CEP350: variants seen among roughly 807,000 people sequenced by gnomAD.
The protein encoded by CEP350 is centrosomal protein 350, also known as centrosome-associated protein 350.
A neutral mutation model predicts 331.8 loss-of-function variants in CEP350; 126 were observed. The observed-to-expected ratio is 0.38, with a 90% CI of 0.33 to 0.44. CEP350 has a LOEUF of 0.44. Among genes scored for constraint, CEP350 ranks in the 20% least tolerant of loss-of-function variants. CEP350 has a pLI of 1.00. For synonymous variants in CEP350, 1,200 were observed against 1,259.5 expected, an observed-to-expected ratio of 0.95 and a Z score of 1.00; for missense variants, 3,406 against 3,634.6, an observed-to-expected ratio of 0.94 and a Z score of 1.62.
At position 180,093,215 on chromosome 1, in the gene CEP350, T is replaced by A; in HGVS notation, c.7110T>A (p.Pro2370=). Reference sequence around the variant, plus strand: ...CTTGGTCAGAACATCTTTTTGCTCCTAAAGAGATACCATACTCTGAAGATT... The same window carrying A: ...CTTGGTCAGAACATCTTTTTGCTCCAAAAGAGATACCATACTCTGAAGATT... The part of the protein sequence containing the change: ...DLSWSEHLFA[P]KEIPYSEDFE... Residue 2370 remains proline (P), a synonymous_variant, in exon 34 of 38, where the codon CCT becomes CCA. Transcript: ENST00000367607. 6.2e-7 allele frequency: 1 copy of A among 1,601,372 alleles called. No homozygotes were observed. Among genetic ancestry groups the A allele is most frequent in the Non-Finnish European group, 8.5e-7 (1 of 1,172,966 alleles).
At position 180,113,177 on chromosome 1, in the gene CEP350, C is replaced by A. The variant is rs749994403; in HGVS notation, c.*2016C>A. ...TGTTATTTGGAAGACAGAAAAACAT[C>A]TTGTCTACATCCTTTGGCTGTTTGT... On this transcript the variant is annotated 3_prime_UTR_variant, in exon 38 of 38. Transcript: ENST00000367607. The A allele has an allele frequency of 2.6e-5, 4 of 152,568 alleles. No homozygotes were observed. Among genetic ancestry groups the A allele is most frequent in the Non-Finnish European group, 4.4e-5 (3 of 68,026 alleles). 9.5% of individuals were successfully genotyped at this position (152,568 alleles called of 1,614,324 possible).
At chr1:180,081,017 G>A (rs55676403) in intron 30 of CEP350, among the ~76,000 whole-genome samples, 9,554 of 150,516 alleles carry the variant, frequency 0.063, 401 homozygotes, top group African/African-American at 0.13. Context: ...CCGCCACCAC[G>A]CCTGGCTAAT....
At position 180,065,279 on chromosome 1, in the gene CEP350, G is replaced by GT. The variant is rs780956814; in HGVS notation, c.5567+13dup. 2.5e-6 allele frequency: 4 copies of GT among 1,597,508 alleles called. No individual in the cohort carries two copies. The highest frequency in any genetic ancestry group is 3.4e-6 in the Non-Finnish European group (4 of 1,174,878). On this transcript the variant is annotated splice_region_variant and intron_variant, in intron 27 of 37. Transcript: ENST00000367607. ...GAAGCCGCATGGATGAAAAGTATTT[G>GT]TTTTTTATAAATATCTCTTGTTTAG...
intron 1 of CEP350, among the ~76,000 whole-genome samples, chr1:179,975,450 A>G (rs1651787954): frequency 6.6e-6 from 1 of 152,176 alleles, no homozygotes; most frequent in Non-Finnish European, 1.5e-5. Context: ...TAATTTAGGA[A>G]GCTTTTACCA....
At chr1:180,033,830 C>T (rs1457564287) in intron 15 of CEP350, 32 bp from the exon 16 acceptor site, 7 of 1,597,384 alleles carry the variant, frequency 4.4e-6, no homozygotes, top group Non-Finnish European at 6.0e-6. Flanking sequence ...ACTTTTCCTT[C>T]CTCTAATGTT....
chr1:179,997,732 G>A (rs752372113), intron 6 of CEP350, among the ~76,000 whole-genome samples: 1 of 151,980 alleles, frequency 6.6e-6, no homozygotes, highest in Non-Finnish European at 1.5e-5. Context: ...AATAATAATT[G>A]ATACTATTTT....
At chr1:179,958,659 T>TTGGA (rs1163545000) in intron 1 of CEP350, among the ~76,000 whole-genome samples, 1 of 152,164 alleles carries the variant, frequency 6.6e-6, no homozygotes, top group Non-Finnish European at 1.5e-5. Context: ...CAACTATAAA[T>TTGGA]TGGATATACT....
At position 179,996,910 on chromosome 1, in the gene CEP350, G is replaced by C. The variant is rs779277700; in HGVS notation, c.753G>C (p.Ala251=). ...NNMAHDTDPK[A]LRLTDSSPSS... is the part of the protein sequence containing the mutation. ...TGGCCCATGATACTGATCCAAAAGC[G>C]TTACGACTAACTGACTCTTCTCCAT... Residue 251 remains alanine (A), a synonymous_variant, in exon 6 of 38, where the codon GCG becomes GCC. Transcript: ENST00000367607. 1 of 1,613,850 alleles carries C rather than the reference G, an allele frequency of 6.2e-7. No homozygotes were observed. Among genetic ancestry groups the C allele is most frequent in the African/African-American group, 1.3e-5 (1 of 74,916 alleles).
chr1:180,083,910 T>A (rs991811851), intron 30 of CEP350, 108 bp from the exon 31 acceptor site: 1 of 515,042 alleles, frequency 1.9e-6, no homozygotes, highest in Non-Finnish European at 3.3e-6. Flanking sequence ...ATTATTAGAT[T>A]GGCTTTATTT....
chr1:180,065,002 A>T, intron 26 of CEP350, 113 bp from the exon 27 acceptor site: 1 of 1,129,190 alleles, frequency 8.9e-7, no homozygotes. Flanking sequence ...CTTATTTTCA[A>T]CTATTGTTAT....
At chr1:179,998,300 T>C (rs1571841801) in intron 6 of CEP350, among the ~76,000 whole-genome samples, 2 of 140,440 alleles carry the variant, frequency 1.4e-5, no homozygotes, top group East Asian at 3.9e-4. Flanking sequence ...TTTCTTCTAT[T>C]TTCTTTTTTT....
rs1388646755 is a variant in CEP350 at position 180,092,923 on chromosome 1, A to T, written c.6818A>T (p.Asp2273Val). Residue 2273 changes from aspartate to valine, a missense_variant, in exon 34 of 38, where the codon GAT becomes GTT. Asp to Val is a radical substitution (Grantham distance 152). Transcript: ENST00000367607. ...YTKLKKSKIE[D>V]AFSKEGKSDV... is the part of the protein sequence containing the mutation. ...AAATTGAAGAAGAGTAAGATTGAAGATGCCTTTTCTAAAGAAGGTAAATCT... is the reference window on the plus strand; with the variant it reads ...AAATTGAAGAAGAGTAAGATTGAAGTTGCCTTTTCTAAAGAAGGTAAATCT... The T allele has an allele frequency of 6.3e-7, 1 of 1,581,864 alleles. No individual in the cohort carries two copies. Among genetic ancestry groups the T allele is most frequent in the Non-Finnish European group, 8.6e-7 (1 of 1,162,098 alleles).
chr1:180,011,054 C>T (rs1414509620), intron 8 of CEP350, among the ~76,000 whole-genome samples: 9 of 151,684 alleles, frequency 5.9e-5, no homozygotes, highest in African/African-American at 1.7e-4. Flanking sequence ...TAATTTGTTA[C>T]ATTCTGAAGC....
chr1:180,016,015 A>G (rs776276309), intron 11 of CEP350, 45 bp downstream of exon 11: 1 of 1,608,570 alleles, frequency 6.2e-7, no homozygotes, highest in Non-Finnish European at 8.5e-7. Context: ...TTTTCATGAA[A>G]TTTAGCGGAG....
chr1:179,976,769 G>T (rs1425576801), intron 1 of CEP350, among the ~76,000 whole-genome samples: 1 of 152,078 alleles, frequency 6.6e-6, no homozygotes, highest in Non-Finnish European at 1.5e-5. Context: ...TGATTTAGAG[G>T]TTTGAAATGA....
intron 37 of CEP350, among the ~76,000 whole-genome samples, chr1:180,101,327 T>C (rs1257660694): frequency 3.9e-5 from 6 of 152,192 alleles, no homozygotes; most frequent in Admixed American, 3.9e-4. Context: ...CTTCTTGAGC[T>C]AATTATTAAC....
intron 11 of CEP350, among the ~76,000 whole-genome samples, chr1:180,016,939 A>G (rs1411268758): frequency 6.6e-6 from 1 of 152,194 alleles, no homozygotes; most frequent in Admixed American, 6.5e-5. Flanking sequence ...CTGGGATTAC[A>G]GGCATGAGCC....
chr1:180,010,987 C>CTT (rs144305777), intron 8 of CEP350, among the ~76,000 whole-genome samples: 1 of 150,812 alleles, frequency 6.6e-6, no homozygotes, highest in Non-Finnish European at 1.5e-5. Flanking sequence ...TGTAAACAGT[C>CTT]TTTTTTTTTC....
At chr1:180,057,846 T>C (rs1657955549) in intron 25 of CEP350, among the ~76,000 whole-genome samples, 1 of 152,204 alleles carries the variant, frequency 6.6e-6, no homozygotes, top group African/African-American at 2.4e-5. Flanking sequence ...GATAATACTT[T>C]TTACTCAGCA....
Sources: gnomAD v4.1 joint callset for allele counts (sites outside exome capture counted in the v4.1 genomes callset) on GRCh38, gnomAD v4.1.1 for gene constraint, MANE v1.5 for transcripts, NCBI Gene and HGNC (gene_info 2026-07-23, HGNC 2026-07-21) for gene names.